The following RAG1 variants were observed in gnomAD, a reference collection of about 807,000 sequenced individuals.
RAG1 encodes recombination activating 1, also known as V(D)J recombination-activating protein 1.
RAG1 carries 35 observed loss-of-function variants against 62.7 expected under a neutral mutation model. The observed-to-expected ratio is 0.56, with a 90% CI of 0.43 to 0.74. The LOEUF (loss-of-function observed/expected upper bound fraction) is 0.74, where lower values mean the gene tolerates loss of function less well. Among genes scored for constraint, RAG1 ranks in the 30% least tolerant of loss-of-function variants. The pLI, the probability that RAG1 is intolerant of heterozygous loss-of-function variation, is 0.00. For synonymous variants in RAG1, 461 were observed against 470.3 expected, an observed-to-expected ratio of 0.98 and a Z score of 0.26; for missense variants, 1,169 against 1,278.6, an observed-to-expected ratio of 0.91 and a Z score of 1.31.
At chr11:36,563,678 T>C, upstream of RAG1, among the ~76,000 whole-genome samples, 1 of 152,314 alleles carries the variant, frequency 6.6e-6, no homozygotes, top group Non-Finnish European at 1.5e-5. Context: ...TCATTATATA[T>C]AAAACAAAGC....
intron 2 of RAG1, among the ~76,000 whole-genome samples, chr11:36,521,548 A>T (rs982842186): frequency 6.6e-6 from 1 of 152,156 alleles, no homozygotes; most frequent in African/African-American, 2.4e-5. Flanking sequence ...AGTCTTGGGT[A>T]TACCTTTATC....
intron 2 of RAG1, chr11:36,520,296 T>G (rs1025704628): frequency 6.6e-6 from 1 of 152,154 alleles, no homozygotes; most frequent in Non-Finnish European, 1.5e-5. Context: ...TTAGACAAAG[T>G]CTTGCTCTGT....
At chr11:36,564,786 G>T (rs557265883), upstream of RAG1, among the ~76,000 whole-genome samples, 1 of 152,220 alleles carries the variant, frequency 6.6e-6, no homozygotes, top group Non-Finnish European at 1.5e-5. Context: ...CCAGTGCAGG[G>T]TGGCGAGTTT....
At chr11:36,561,672 C>A (rs1414024422) in intron 3 of RAG1, among the ~76,000 whole-genome samples, 1 of 152,052 alleles carries the variant, frequency 6.6e-6, no homozygotes, top group Non-Finnish European at 1.5e-5. Flanking sequence ...TCTCTTTCTA[C>A]CTGATTGCTG....
chr11:36,522,519 G>T (rs1475091402), intron 2 of RAG1, among the ~76,000 whole-genome samples: 1 of 152,220 alleles, frequency 6.6e-6, no homozygotes. Context: ...GCAGGGGTGG[G>T]GCCCTCATGG....
chr11:36,510,836 CT>C (rs1214753372), exon 1 of RAG1: 1 of 152,210 alleles, frequency 6.6e-6, no homozygotes, highest in Admixed American at 6.5e-5. Context: ...TTTAAATTCC[CT>C]GTTTAACTGG....
chr11:36,540,515 C>T (rs1860399969), downstream of RAG1, among the ~76,000 whole-genome samples: 1 of 152,180 alleles, frequency 6.6e-6, no homozygotes, highest in Non-Finnish European at 1.5e-5. Context: ...CGCCATTCTC[C>T]TGCCTCAGCC....
chr11:36,541,162 A>G (rs1226058528), intron 3 of RAG1, among the ~76,000 whole-genome samples: 1 of 152,176 alleles, frequency 6.6e-6, no homozygotes, highest in Non-Finnish European at 1.5e-5. Flanking sequence ...GGCTGTAAAC[A>G]ATGGAGCTAT....
intron 2 of RAG1, among the ~76,000 whole-genome samples, chr11:36,528,319 A>G (rs1256823000): frequency 6.6e-6 from 1 of 152,232 alleles, no homozygotes; most frequent in Non-Finnish European, 1.5e-5. Flanking sequence ...CAATCAAATT[A>G]GAACTCAGAA....
At chr11:36,545,792 C>T (rs760180022) in intron 3 of RAG1, among the ~76,000 whole-genome samples, 10 of 152,246 alleles carry the variant, frequency 6.6e-5, no homozygotes, top group South Asian at 4.1e-4. Context: ...GATTCTGGTA[C>T]GTTGTGTCTT....
chr11:36,576,388 A>G lies in RAG1; in HGVS notation c.3084A>G (p.Pro1028=), dbSNP rs1238573903. 1.9e-6 allele frequency: 3 copies of G among 1,614,072 alleles called. No individual in the cohort carries two copies. Among genetic ancestry groups the G allele is most frequent in the East Asian group, 2.2e-5 (1 of 44,894 alleles). The part of the protein sequence containing the change: ...TMNPQASLGD[P]LGIEDSLESQ... Reference sequence around the variant, plus strand: ...ACCCTCAGGCAAGCTTAGGGGACCCATTAGGCATAGAGGACTCTCTGGAAA... The same window carrying G: ...ACCCTCAGGCAAGCTTAGGGGACCCGTTAGGCATAGAGGACTCTCTGGAAA... The change falls in exon 2 of 2, where the codon CCA becomes CCG. Residue 1028 remains proline, a synonymous_variant. Transcript: ENST00000299440.
intron 3 of RAG1, among the ~76,000 whole-genome samples, chr11:36,546,961 C>A (rs752545727): frequency 6.6e-6 from 1 of 151,874 alleles, no homozygotes; most frequent in Non-Finnish European, 1.5e-5. Flanking sequence ...TGTGGGTAAT[C>A]CGACCTCTAT....
chr11:36,513,256 ATTACCCAGTCAGTG>A (rs1320565000), intron 1 of RAG1, among the ~76,000 whole-genome samples: 1 of 152,228 alleles, frequency 6.6e-6, no homozygotes. Flanking sequence ...TTCATTATAA[ATTACCCAGTCAGTG>A]TTATGCTGTT....
downstream of RAG1, among the ~76,000 whole-genome samples, chr11:36,536,691 ATATT>A (rs1260716515): frequency 1.3e-5 from 2 of 151,336 alleles, no homozygotes; most frequent in Admixed American, 6.6e-5. Context: ...AGTAAATAAA[ATATT>A]TATATTTTAT....
In RAG1 at chr11:36,531,967, T is replaced by C. The variant is rs1321537810; in HGVS notation, n.429-3992T>C. Among the ~76,000 whole-genome samples, 3 of 152,072 alleles carry C rather than the reference T, an allele frequency of 2.0e-5. No homozygotes were observed. In the East Asian group the frequency reaches 5.8e-4, roughly 29 times the overall value. ...AGATTAAGGAATGCTGATATATTTT[T>C]ATCCACAAAATACCTTTTCATTTCT... is the stretch of plus-strand genomic sequence containing the variant. On this transcript the variant is annotated intron_variant and non_coding_transcript_variant, in intron 2 of 2. Transcript: ENST00000529126.
downstream of RAG1, among the ~76,000 whole-genome samples, chr11:36,536,499 A>T (rs868558660): frequency 2.0e-5 from 3 of 152,150 alleles, no homozygotes; most frequent in South Asian, 6.2e-4. Context: ...AAAAAGGAGC[A>T]TCTAAGATGC....
intron 3 of RAG1, among the ~76,000 whole-genome samples, chr11:36,560,778 C>T (rs1850572706): frequency 6.6e-6 from 1 of 152,140 alleles, no homozygotes; most frequent in Admixed American, 6.5e-5. Flanking sequence ...CTACCTTTCC[C>T]CCTTTTCCCC....
chr11:36,528,702 T>A (rs1391584541), intron 2 of RAG1, among the ~76,000 whole-genome samples: 5 of 151,322 alleles, frequency 3.3e-5, no homozygotes, highest in African/African-American at 1.2e-4. Flanking sequence ...AATCAATGAA[T>A]CCAGGAGATG....
At chr11:36,569,868 A>G (rs1426138424) in intron 1 of RAG1, among the ~76,000 whole-genome samples, 1 of 152,224 alleles carries the variant, frequency 6.6e-6, no homozygotes, top group Non-Finnish European at 1.5e-5. Flanking sequence ...AAACGTATCT[A>G]CATAAAGGGA....
Sources: gnomAD v4.1 joint callset for allele counts (sites outside exome capture counted in the v4.1 genomes callset) on GRCh38, gnomAD v4.1.1 for gene constraint, MANE v1.5 for transcripts, NCBI Gene and HGNC (gene_info 2026-07-23, HGNC 2026-07-21) for gene names.